Variants in ZKSCAN2 observed in about 807,000 individuals in gnomAD.
ZKSCAN2 encodes the protein zinc finger protein with KRAB and SCAN domains 2.
A neutral mutation model predicts 90.5 loss-of-function variants in ZKSCAN2; 38 were observed. The ratio of observed to expected loss-of-function variants is 0.42; its 90% CI spans 0.32 to 0.55. The LOEUF (loss-of-function observed/expected upper bound fraction) is 0.55, where lower values mean the gene tolerates loss of function less well. Ranked by LOEUF, ZKSCAN2 falls within the 20% of genes least tolerant of loss-of-function variation. The pLI, the probability that ZKSCAN2 is intolerant of heterozygous loss-of-function variation, is 0.11. For missense variants in ZKSCAN2, 1,167 were observed against 1,202.6 expected, an observed-to-expected ratio of 0.97 and a Z score of 0.44; for synonymous variants, 429 against 421.6, an observed-to-expected ratio of 1.02 and a Z score of -0.22.
In ZKSCAN2 at chr16:25,239,592, A is replaced by G. The variant is rs964522438; in HGVS notation, c.*224T>C. 2 of 469,480 alleles carry G rather than the reference A, an allele frequency of 4.3e-6. No homozygotes were observed. Among genetic ancestry groups the G allele is most frequent in the Admixed American group, 3.6e-5 (1 of 27,484 alleles). The allele number at this position is 469,480 out of a possible 1,614,324, so 29.1% of individuals were successfully genotyped here. A position where few individuals can be genotyped will look rare whatever the true frequency, so the allele number is the denominator to read the frequency against. On this transcript the variant is annotated 3_prime_UTR_variant, in exon 7 of 7. Coordinates refer to ENST00000328086, the MANE Select transcript of ZKSCAN2 (RefSeq NM_001012981.5). ...GGGTATTTCATTCTGAACTCGGACA[A>G]TGTATCTTCGCCACATTCTTAAAGG...
Position 25,246,699 on chromosome 16 carries a change from A to G in ZKSCAN2, c.1489+8T>C, listed in dbSNP as rs1962937665. On this transcript the variant is annotated splice_region_variant and intron_variant, in intron 5 of 6. Coordinates refer to ENST00000328086, the MANE Select transcript of ZKSCAN2 (RefSeq NM_001012981.5). ...TTTCCTACCAGAGAAACAAAGCACA[A>G]TTCTTACCACTGAGATTCTGAAACA... is the stretch of plus-strand genomic sequence containing the variant. 1 of 1,614,002 alleles carries G rather than the reference A, an allele frequency of 6.2e-7. No homozygotes were observed. The highest frequency in any genetic ancestry group is 1.3e-5 in the African/African-American group (1 of 74,932).
At chr16:25,246,541 G>C in intron 5 of ZKSCAN2, 166 bp downstream of exon 5, 1 of 682,486 alleles carries the variant, frequency 1.5e-6, no homozygotes, top group Non-Finnish European at 2.5e-6. Flanking sequence ...TGCAATGGGG[G>C]CAGCAGCAAG....
rs750838403 is a variant in ZKSCAN2 at position 25,240,556 on chromosome 16, G to T, written c.2164C>A (p.Gln722Lys). The change falls in exon 7 of 7, where the codon CAG becomes AAG. Residue 722 changes from glutamine (Q) to lysine (K), a missense_variant. Gln to Lys is a moderately conservative substitution (Grantham distance 53, BLOSUM62 1). Transcript: ENST00000328086. ...CTAGGCTGAGACATCGGCTTTCCCT[G>T]TCTAATTCCTTGAAGATTTTCCCAT... is the stretch of plus-strand genomic sequence containing the variant. ...RQWENLQGIR[Q>K]GKPMSQPRDL... The T allele has an allele frequency of 1.9e-6, 3 of 1,613,986 alleles. No homozygotes were observed. Among genetic ancestry groups the T allele is most frequent in the Non-Finnish European group, 2.5e-6 (3 of 1,180,034 alleles).
Position 25,246,857 on chromosome 16 carries a change from G to A in ZKSCAN2, c.1339C>T (p.Leu447=). 1 of 1,614,188 alleles carries A rather than the reference G, an allele frequency of 6.2e-7. No homozygotes were observed. The highest frequency in any genetic ancestry group is 8.5e-7 in the Non-Finnish European group (1 of 1,180,044). The change falls in exon 5 of 7, where the codon CTG becomes TTG. Residue 447 remains leucine (L), a synonymous_variant. Transcript: ENST00000328086. ...TTAGCACTGATGGCAATTCTCTTCA[G>A]TCTGGGGACAGGTATCATCTCCTTT... is the stretch of plus-strand genomic sequence containing the variant. The part of the protein sequence containing the change: ...KPKEMIPVPR[L]KRIAISAKEH...
At position 25,243,910 on chromosome 16, in the gene ZKSCAN2, C is replaced by A; in HGVS notation, c.1856G>T (p.Trp619Leu). The A allele has an allele frequency of 6.2e-7, 1 of 1,614,136 alleles. No individual in the cohort carries two copies. Among genetic ancestry groups the A allele is most frequent in the South Asian group, 1.1e-5 (1 of 91,072 alleles). The change falls in exon 6 of 7, where the codon TGG (tryptophan) becomes TTG (leucine). Residue 619 changes from tryptophan to leucine, a missense_variant. Physicochemically the swap from Trp to Leu is moderately conservative, Grantham distance 61 (BLOSUM62 -2). Coordinates refer to ENST00000328086, the MANE Select transcript of ZKSCAN2 (RefSeq NM_001012981.5). ...IEVEPQEPTG[W>L]EPEETSQEAV... ...CTCCTGTGAGGTCTCTTCAGGTTCCCAGCCTGTAGGTTCCTGGGGTTCAAC... is the reference window on the plus strand; with the variant it reads ...CTCCTGTGAGGTCTCTTCAGGTTCCAAGCCTGTAGGTTCCTGGGGTTCAAC...
chr16:25,257,512 GGT>G lies in ZKSCAN2; in HGVS notation c.-387_-386del. 1.0e-6 allele frequency: 1 copy of G among 993,458 alleles called. No individual in the cohort carries two copies. 61.5% of individuals were successfully genotyped at this position (993,458 alleles called of 1,614,324 possible). On this transcript the variant is annotated 5_prime_UTR_variant, in exon 1 of 7. Coordinates refer to ENST00000328086, the MANE Select transcript of ZKSCAN2 (RefSeq NM_001012981.5). ...GGAGGGGGTGTGTCCGCTACTCCCG[GGT>G]CGGGCGCGGAGAGGCGAGTCCCCGA... is the stretch of plus-strand genomic sequence containing the variant.
chr16:25,243,155 ACT>A (rs1962879899), intron 6 of ZKSCAN2, among the ~76,000 whole-genome samples: 1 of 152,170 alleles, frequency 6.6e-6, no homozygotes, highest in Admixed American at 6.5e-5. Context: ...TTACTGAAAC[ACT>A]TTCTTCATCC....
Position 25,244,183 on chromosome 16 carries a change from C to A in ZKSCAN2, c.1583G>T (p.Ser528Ile), listed in dbSNP as rs200508217. The change falls in exon 6 of 7, where the codon AGC (serine) becomes ATC (isoleucine). Residue 528 changes from serine (S) to isoleucine (I), a missense_variant. By Grantham distance (142) the Ser-to-Ile change is moderately radical. Coordinates refer to ENST00000328086, the MANE Select transcript of ZKSCAN2 (RefSeq NM_001012981.5). The stretch of plus-strand genomic sequence containing the variant: ...TTCAGCTACAGCCCCATACAATTTG[C>A]TCTTCCGATGACAGGCTTGAAGCGC... ...YEALQACHRK[S>I]KLYGAVAEQL... 9.3e-6 allele frequency: 15 copies of A among 1,614,190 alleles called. No homozygotes were observed. The East Asian group carries it at 3.3e-4, about 36-fold the overall frequency.
In ZKSCAN2 at chr16:25,240,057, T is replaced by G. The variant is rs142448363; in HGVS notation, c.2663A>C (p.Lys888Thr). 1.9e-6 allele frequency: 3 copies of G among 1,613,876 alleles called. No homozygotes were observed. Among genetic ancestry groups the G allele is most frequent in the African/African-American group, 2.7e-5 (2 of 74,932 alleles). The change falls in exon 7 of 7, where the codon AAA (lysine) becomes ACA (threonine). Residue 888 changes from lysine to threonine, a missense_variant. By Grantham distance (78) the Lys-to-Thr change is moderately conservative (BLOSUM62 -1). Transcript: ENST00000328086. ...GAAACTTTTTTCACAGTCCACACAT[T>G]TGTAGGGATTCTCCCCAGTGTGAAC... is the stretch of plus-strand genomic sequence containing the variant. ...RRVHTGENPYKCVDCEKSFNN... is the reference protein window; with the variant it reads ...RRVHTGENPYTCVDCEKSFNN...
rs1350305139 is a variant in ZKSCAN2 at position 25,246,755 on chromosome 16, G to A, written c.1441C>T (p.Arg481Cys). Residue 481 changes from arginine (R) to cysteine (C), a missense_variant, in exon 5 of 7, where the codon CGC becomes TGC. Coordinates refer to ENST00000328086, the MANE Select transcript of ZKSCAN2 (RefSeq NM_001012981.5). ...DDDEIGIEFI[R>C]KSEIHGAPVL... ...GGGGCACCATGGATTTCAGACTTGC[G>A]GATAAATTCGATGCCTATTTCATCA... 8 of 1,614,022 alleles carry A rather than the reference G, an allele frequency of 5.0e-6. No homozygotes were observed. Among genetic ancestry groups the A allele is most frequent in the African/African-American group, 4.0e-5 (3 of 74,880 alleles).
Position 25,246,813 on chromosome 16 carries a change from C to T in ZKSCAN2, c.1383G>A (p.Val461=). The change falls in exon 5 of 7, where the codon GTG becomes GTA. Residue 461 remains valine, a synonymous_variant. Transcript: ENST00000328086. ...AATCTTCTGCAGCTTCCTCCTCCTC[C>T]ACCAAGCTGATGTGTTCCTTAGCAC... ...AISAKEHISL[V]EEEEAAEDSD... 2.5e-6 allele frequency: 4 copies of T among 1,614,166 alleles called. No homozygotes were observed. Among genetic ancestry groups the T allele is most frequent in the Non-Finnish European group, 3.4e-6 (4 of 1,179,994 alleles).
chr16:25,255,287 G>T lies in ZKSCAN2; in HGVS notation c.505C>A (p.Arg169=). The change falls in exon 2 of 7, where the codon CGG becomes AGG. Residue 169 remains arginine, a synonymous_variant. Coordinates refer to ENST00000328086, the MANE Select transcript of ZKSCAN2 (RefSeq NM_001012981.5). ...QVETQPRAVS[R]EEPGSLHSGH... is the part of the protein sequence containing the mutation. ...GAGTGGAGGCTTCCAGGTTCCTCCCGAGACACCGCCCTGGGTTGGGTCTCC... is the reference window on the plus strand; with the variant it reads ...GAGTGGAGGCTTCCAGGTTCCTCCCTAGACACCGCCCTGGGTTGGGTCTCC... 6.2e-7 allele frequency: 1 copy of T among 1,613,716 alleles called. No individual in the cohort carries two copies. Among genetic ancestry groups the T allele is most frequent in the Non-Finnish European group, 8.5e-7 (1 of 1,179,938 alleles).
chr16:25,255,430 C>T, intron 1 of ZKSCAN2, 38 bp from the exon 2 acceptor site: 2 of 1,583,042 alleles, frequency 1.3e-6, no homozygotes, highest in Non-Finnish European at 1.7e-6. Flanking sequence ...GGGAGTAAAA[C>T]AGGCCCATAT....
At chr16:25,242,202 A>G (rs1962865009) in intron 6 of ZKSCAN2, among the ~76,000 whole-genome samples, 1 of 152,128 alleles carries the variant, frequency 6.6e-6, no homozygotes, top group African/African-American at 2.4e-5. Flanking sequence ...ATTGAGTTCA[A>G]CATTGTTCTG....
At chr16:25,248,161 G>A (rs1320559324) in intron 4 of ZKSCAN2, among the ~76,000 whole-genome samples, 1 of 151,644 alleles carries the variant, frequency 6.6e-6, no homozygotes, top group Non-Finnish European at 1.5e-5. Context: ...GAAAACACAG[G>A]GGACAAAGCT....
chr16:25,255,835 G>A (rs1286533421), intron 1 of ZKSCAN2, among the ~76,000 whole-genome samples: 2 of 152,020 alleles, frequency 1.3e-5, no homozygotes, highest in African/African-American at 4.8e-5. Flanking sequence ...AACATGCCTC[G>A]GCCTCCCAAA....
intron 5 of ZKSCAN2, among the ~76,000 whole-genome samples, chr16:25,245,798 C>T (rs1962925164): frequency 1.3e-5 from 2 of 151,530 alleles, no homozygotes; most frequent in Admixed American, 6.6e-5. Context: ...GAATTTATCT[C>T]TAGCTGGAGT....
intron 5 of ZKSCAN2, chr16:25,246,421 C>A: frequency 2.1e-6 from 1 of 475,106 alleles, no homozygotes; most frequent in Non-Finnish European, 3.8e-6. Flanking sequence ...TCCTTAGAAC[C>A]CTGTAACTCC....
chr16:25,243,834 C>T lies in ZKSCAN2; in HGVS notation c.1932G>A (p.Val644=), dbSNP rs1962889146. 2 of 1,614,056 alleles carry T rather than the reference C, an allele frequency of 1.2e-6. No homozygotes were observed. The highest frequency in any genetic ancestry group is 4.5e-5 in the East Asian group (2 of 44,884). Residue 644 remains valine, a synonymous_variant, in exon 6 of 7, where the codon GTG becomes GTA. Coordinates refer to ENST00000328086, the MANE Select transcript of ZKSCAN2 (RefSeq NM_001012981.5). ...GAGGTCCCTGGAACTCTGGCTCTTG[C>T]ACAATTTCCTCCTCGCTCATTCTCT... ...CSERMSEEEI[V]QEPEFQGPPG...
Sources: gnomAD v4.1 joint callset for allele counts (sites outside exome capture counted in the v4.1 genomes callset) on GRCh38, gnomAD v4.1.1 for gene constraint, MANE v1.5 for transcripts, NCBI Gene and HGNC (gene_info 2026-07-23, HGNC 2026-07-21) for gene names.